Variants in ZSCAN23 observed in about 807,000 individuals in gnomAD.
ZSCAN23 encodes zinc finger and SCAN domain-containing protein 23.
A neutral mutation model predicts 19.3 loss-of-function variants in ZSCAN23; 19 were observed. The ratio of observed to expected loss-of-function variants is 0.99; its 90% CI spans 0.69 to 1.45. The LOEUF (loss-of-function observed/expected upper bound fraction) is 1.45, where lower values mean the gene tolerates loss of function less well. Among genes scored for constraint, ZSCAN23 ranks in the 40% most tolerant of loss-of-function variants. The pLI is 0.00. For synonymous variants in ZSCAN23, 140 were observed against 166.2 expected (o/e 0.84, Z 1.21); for missense variants, 372 against 462.5 (o/e 0.80, Z 1.79).
chr6:28,435,190 G>GCCA lies in ZSCAN23; in HGVS notation c.557-115_557-113dup, dbSNP rs1187927853. 2.4e-6 allele frequency: 3 copies of GCCA among 1,262,022 alleles called. No homozygotes were observed. In the East Asian group the frequency reaches 7.6e-5, roughly 32 times the overall value. The allele number at this position is 1,262,022 out of a possible 1,614,324, so 78.2% of individuals were successfully genotyped here. ...GAGAATGGGTGGAAGGGGACAAGTA[G>GCCA]CCACTTTTTCTGTTTATTTTTCCAC... is the stretch of plus-strand genomic sequence containing the variant. On this transcript the variant is annotated intron_variant, in intron 3 of 3. Coordinates refer to ENST00000289788, the MANE Select transcript of ZSCAN23 (RefSeq NM_001012455.2).
chr6:28,428,713 T>C (rs1561974688), downstream of ZSCAN23, among the ~76,000 whole-genome samples: 1 of 152,198 alleles, frequency 6.6e-6, no homozygotes, highest in Non-Finnish European at 1.5e-5. Context: ...CTAGTAAGAT[T>C]ACATTACTCC....
Position 28,435,614 on chromosome 6 carries a change from G to A in ZSCAN23, c.409-7C>T, listed in dbSNP as rs1338861132. 6.5e-7 allele frequency: 1 copy of A among 1,549,870 alleles called. No individual in the cohort carries two copies. Among genetic ancestry groups the A allele is most frequent in the East Asian group, 2.4e-5 (1 of 40,902 alleles). On this transcript the variant is annotated splice_region_variant and splice_polypyrimidine_tract_variant and intron_variant, in intron 2 of 3. Coordinates refer to ENST00000289788, the MANE Select transcript of ZSCAN23 (RefSeq NM_001012455.2). ...CATGAGCATGGCTCAGGACCTGGTGGAAATCAAGGACAGTTGGGAACCCAA... is the reference window on the plus strand; with the variant it reads ...CATGAGCATGGCTCAGGACCTGGTGAAAATCAAGGACAGTTGGGAACCCAA...
At chr6:28,435,659 A>G (rs111428689) in intron 2 of ZSCAN23, 52 bp from the exon 3 acceptor site, 19 of 1,517,960 alleles carry the variant, frequency 1.3e-5, no homozygotes. Flanking sequence ...GAACATGGCA[A>G]GGAGGCCTCC....
chr6:28,435,650 A>G, intron 2 of ZSCAN23, 43 bp from the exon 3 acceptor site: 1 of 1,528,004 alleles, frequency 6.5e-7, no homozygotes, highest in Non-Finnish European at 8.8e-7. Flanking sequence ...TATCAGAGAG[A>G]ACATGGCAAG....
At chr6:28,437,301 G>A (rs1398028049) in intron 1 of ZSCAN23, among the ~76,000 whole-genome samples, 5 of 152,146 alleles carry the variant, frequency 3.3e-5, no homozygotes, top group African/African-American at 1.2e-4. Context: ...CTTGAAGGTG[G>A]AGAGTAGGCA....
At chr6:28,442,626 T>C (rs1395897720) in intron 1 of ZSCAN23, among the ~76,000 whole-genome samples, 1 of 152,242 alleles carries the variant, frequency 6.6e-6, no homozygotes, top group Non-Finnish European at 1.5e-5. Flanking sequence ...ATGAGCGAAG[T>C]AACTTCCCGG....
chr6:28,431,499 C>A (rs1761760912), downstream of ZSCAN23, among the ~76,000 whole-genome samples: 1 of 152,172 alleles, frequency 6.6e-6, no homozygotes, highest in African/African-American at 2.4e-5. Flanking sequence ...CAGGCTCTGC[C>A]TCAGAAACTG....
At chr6:28,438,241 C>T (rs892995548) in intron 1 of ZSCAN23, among the ~76,000 whole-genome samples, 3 of 152,052 alleles carry the variant, frequency 2.0e-5, no homozygotes, top group Admixed American at 6.5e-5. Flanking sequence ...GTATTACAGG[C>T]ACCCACTACC....
chr6:28,429,331 A>G (rs1282291250), downstream of ZSCAN23, among the ~76,000 whole-genome samples: 2 of 152,160 alleles, frequency 1.3e-5, no homozygotes, highest in African/African-American at 4.8e-5. Context: ...TGAATGTTCT[A>G]ACTTCTGAAT....
downstream of ZSCAN23, among the ~76,000 whole-genome samples, chr6:28,427,665 T>C (rs1761683819): frequency 6.6e-6 from 1 of 152,236 alleles, no homozygotes; most frequent in Non-Finnish European, 1.5e-5. Flanking sequence ...GTACACGTGG[T>C]CTGCTGTTTA....
intron 1 of ZSCAN23, among the ~76,000 whole-genome samples, chr6:28,439,994 GGAGA>G (rs1561980600): frequency 1.3e-5 from 2 of 152,110 alleles, no homozygotes. Flanking sequence ...ATAAAGGTAA[GGAGA>G]GAGAGAGTAA....
chr6:28,438,293 T>A (rs1261163219), intron 1 of ZSCAN23, among the ~76,000 whole-genome samples: 1 of 152,010 alleles, frequency 6.6e-6, no homozygotes, highest in African/African-American at 2.4e-5. Flanking sequence ...GACAGGGTTG[T>A]ACCATGTTGG....
Position 28,434,458 on chromosome 6 carries a change from C to T in ZSCAN23, c.*7G>A, listed in dbSNP as rs1291221219. ...AAGAAATATTATCCCCTACCTGTTCCAAGGAGCTAGCTTGATTCAGCCACT... is the reference window on the plus strand; with the variant it reads ...AAGAAATATTATCCCCTACCTGTTCTAAGGAGCTAGCTTGATTCAGCCACT... On this transcript the variant is annotated 3_prime_UTR_variant, in exon 4 of 4. Coordinates refer to ENST00000289788, the MANE Select transcript of ZSCAN23 (RefSeq NM_001012455.2). 6.5e-7 allele frequency: 1 copy of T among 1,528,794 alleles called. No individual in the cohort carries two copies. Among genetic ancestry groups the T allele is most frequent in the Non-Finnish European group, 8.8e-7 (1 of 1,133,828 alleles). 94.7% of individuals were successfully genotyped at this position (1,528,794 alleles called of 1,614,324 possible). A position where few individuals can be genotyped will look rare whatever the true frequency, so the allele number is the denominator to read the frequency against.
In ZSCAN23 at chr6:28,434,744, T is replaced by C. The variant is rs1761838181; in HGVS notation, c.891A>G (p.Arg297=). The C allele has an allele frequency of 6.2e-7, 1 of 1,602,396 alleles. No individual in the cohort carries two copies. Among genetic ancestry groups the C allele is most frequent in the Non-Finnish European group, 8.5e-7 (1 of 1,174,332 alleles). Reference sequence around the variant, plus strand: ...GGTAGCGCTTCTCCCCAGTGTGGAGTCTCTGGTGCTGGAATAGGCCTGACC... The same window carrying C: ...GGTAGCGCTTCTCCCCAGTGTGGAGCCTCTGGTGCTGGAATAGGCCTGACC... The part of the protein sequence containing the change: ...SQRSGLFQHQ[R]LHTGEKRYQC... Residue 297 remains arginine (R), a synonymous_variant, in exon 4 of 4, where the codon AGA becomes AGG. Coordinates refer to ENST00000289788, the MANE Select transcript of ZSCAN23 (RefSeq NM_001012455.2).
chr6:28,435,158 T>A (rs879642099), intron 3 of ZSCAN23, 80 bp from the exon 4 acceptor site: 12 of 1,437,952 alleles, frequency 8.3e-6, no homozygotes, highest in Non-Finnish European at 1.0e-5. Context: ...AGAAAAAAAG[T>A]GGCCAGGAGA....
chr6:28,437,768 C>T (rs778477638), intron 1 of ZSCAN23, among the ~76,000 whole-genome samples: 17 of 152,062 alleles, frequency 1.1e-4, no homozygotes, highest in Non-Finnish European at 2.4e-4. Context: ...TATTATAACC[C>T]AGAACACACA....
downstream of ZSCAN23, among the ~76,000 whole-genome samples, chr6:28,431,207 T>G (rs72854558): frequency 0.09 from 13,737 of 152,300 alleles, 728 homozygotes; most frequent in East Asian, 0.23. Flanking sequence ...TGGCTACACC[T>G]AAGTCTCCAA....
the ZSCAN23 span, among the ~76,000 whole-genome samples, chr6:28,426,008 G>A: frequency 5.9e-5 from 9 of 152,144 alleles, no homozygotes; most frequent in African/African-American, 1.4e-4. Flanking sequence ...TCTCTCAGCC[G>A]TCACAGAATT....
intron 1 of ZSCAN23, among the ~76,000 whole-genome samples, chr6:28,442,884 A>G (rs1348596844): frequency 1.3e-5 from 2 of 152,226 alleles, no homozygotes; most frequent in African/African-American, 4.8e-5. Context: ...TGAGAAGCAG[A>G]TAATATTTGT....
Sources: gnomAD v4.1 joint callset for allele counts (sites outside exome capture counted in the v4.1 genomes callset) on GRCh38, gnomAD v4.1.1 for gene constraint, MANE v1.5 for transcripts, NCBI Gene and HGNC (gene_info 2026-07-23, HGNC 2026-07-21) for gene names.